The following AK5 variants were observed in gnomAD, a reference collection of about 807,000 sequenced individuals.
AK5 encodes adenylate kinase 5.
Under a neutral mutation model 69.5 loss-of-function variants are expected in AK5, and 27 were observed. The observed-to-expected ratio is 0.39, with a 90% CI of 0.29 to 0.54. AK5 has a LOEUF of 0.54. Ranked by LOEUF, AK5 falls within the 20% of genes least tolerant of loss-of-function variation. AK5 has a pLI of 0.71. For missense variants in AK5, 531 were observed against 700.4 expected, an observed-to-expected ratio of 0.76 and a Z score of 2.73; for synonymous variants, 260 against 244.4, an observed-to-expected ratio of 1.06 and a Z score of -0.60.
intron 6 of AK5, among the ~76,000 whole-genome samples, chr1:77,358,908 G>GA (rs1389163004): frequency 3.3e-5 from 5 of 149,348 alleles, no homozygotes; most frequent in East Asian, 2.0e-4. Context: ...TTTTACTGAG[G>GA]AAAAAAAATC....
chr1:77,312,635 A>C (rs2100297409), intron 5 of AK5, among the ~76,000 whole-genome samples: 1 of 151,138 alleles, frequency 6.6e-6, no homozygotes, highest in South Asian at 2.1e-4. Flanking sequence ...AAAAACAAAA[A>C]GTCCCTTAAG....
At chr1:77,354,698 C>CAGTA (rs1662399856) in intron 6 of AK5, among the ~76,000 whole-genome samples, 1 of 152,184 alleles carries the variant, frequency 6.6e-6, no homozygotes, top group Non-Finnish European at 1.5e-5. Context: ...TTCAAAAATT[C>CAGTA]ATGCTTTCCA....
intron 6 of AK5, among the ~76,000 whole-genome samples, chr1:77,397,545 T>G (rs1648913973): frequency 1.3e-5 from 2 of 152,208 alleles, no homozygotes; most frequent in Non-Finnish European, 2.9e-5. Flanking sequence ...AATTAAATTT[T>G]TTTAATAAAC....
chr1:77,297,662 T>C lies in AK5; in HGVS notation c.519T>C (p.Ser173=). Residue 173 remains serine (S), a synonymous_variant, in exon 4 of 14, where the codon AGT becomes AGC. Coordinates refer to ENST00000354567, the MANE Select transcript of AK5 (RefSeq NM_174858.3). ...VGELLRKKIH[S]TSSNRKWSLI... is the part of the protein sequence containing the mutation. ...AATTATTAAGAAAGAAGATCCACAG[T>C]ACCAGCAGCAATAGGAAATGGAGTC... 6.2e-7 allele frequency: 1 copy of C among 1,613,988 alleles called. No individual in the cohort carries two copies. The highest frequency in any genetic ancestry group is 8.5e-7 in the Non-Finnish European group (1 of 1,179,954).
At chr1:77,391,487 GTGTGTGTGTATATA>G (rs200681997) in intron 6 of AK5, among the ~76,000 whole-genome samples, 11,421 of 89,442 alleles carry the variant, frequency 0.13, 789 homozygotes, top group East Asian at 0.21. Flanking sequence ...GTGTGTATGT[GTGTGTGTGTATATA>G]TATATATATA....
At chr1:77,499,838 C>G (rs2100254325) in intron 10 of AK5, among the ~76,000 whole-genome samples, 1 of 138,470 alleles carries the variant, frequency 7.2e-6, no homozygotes, top group African/African-American at 2.7e-5. Flanking sequence ...TTTACTAAAT[C>G]TCCTAGATGA....
At chr1:77,482,816 C>T (rs545970326) in intron 8 of AK5, among the ~76,000 whole-genome samples, 1 of 150,814 alleles carries the variant, frequency 6.6e-6, no homozygotes, top group Admixed American at 6.6e-5. Flanking sequence ...ATGTTGCTCA[C>T]AATGATGAAA....
At chr1:77,377,060 C>T (rs1055170706) in intron 6 of AK5, among the ~76,000 whole-genome samples, 7 of 152,130 alleles carry the variant, frequency 4.6e-5, no homozygotes, top group African/African-American at 1.7e-4. Flanking sequence ...AATAATTTGC[C>T]CCAGCAGTAC....
At chr1:77,503,355 T>C (rs1570271770) in intron 10 of AK5, among the ~76,000 whole-genome samples, 1 of 66,014 alleles carries the variant, frequency 1.5e-5, no homozygotes, top group Admixed American at 1.9e-4. Context: ...ACCTAAATGT[T>C]TGAGCAAGTT....
chr1:77,370,084 T>C (rs1459938489), intron 6 of AK5, among the ~76,000 whole-genome samples: 1 of 152,220 alleles, frequency 6.6e-6, no homozygotes, highest in Non-Finnish European at 1.5e-5. Context: ...TGTTCTGTCC[T>C]TGCAGAATAA....
intron 6 of AK5, among the ~76,000 whole-genome samples, chr1:77,358,844 T>C (rs1273071805): frequency 1.3e-5 from 2 of 151,290 alleles, no homozygotes; most frequent in African/African-American, 4.9e-5. Flanking sequence ...AGAAAAAGCC[T>C]ATTTTTGTAA....
At chr1:77,484,132 T>C (rs1655439949) in intron 9 of AK5, among the ~76,000 whole-genome samples, 1 of 148,974 alleles carries the variant, frequency 6.7e-6, no homozygotes, top group Non-Finnish European at 1.5e-5. Context: ...GTCATTGCAC[T>C]CTTGGCGACA....
intron 6 of AK5, among the ~76,000 whole-genome samples, chr1:77,406,171 C>T (rs920048087): frequency 3.1e-5 from 4 of 129,696 alleles, no homozygotes; most frequent in Non-Finnish European, 4.9e-5. Flanking sequence ...ATTGAGATGG[C>T]ACTCACTGTA....
chr1:77,301,966 T>C (rs905003113), intron 5 of AK5, among the ~76,000 whole-genome samples: 20 of 138,432 alleles, frequency 1.4e-4, no homozygotes, highest in African/African-American at 5.0e-4. Flanking sequence ...TTTTTTTTTT[T>C]CCTAAGTGAC....
At chr1:77,304,306 A>T (rs1263013768) in intron 5 of AK5, among the ~76,000 whole-genome samples, 1 of 152,072 alleles carries the variant, frequency 6.6e-6, no homozygotes, top group East Asian at 1.9e-4. Flanking sequence ...ATTTTACTTA[A>T]CATAATCACC....
chr1:77,320,290 A>G (rs540932772), intron 5 of AK5, among the ~76,000 whole-genome samples: 1 of 152,162 alleles, frequency 6.6e-6, no homozygotes, highest in Non-Finnish European at 1.5e-5. Context: ...ACAATTCAAG[A>G]TGAGATTTGG....
At chr1:77,382,389 C>A (rs1005757888) in intron 6 of AK5, among the ~76,000 whole-genome samples, 4 of 152,152 alleles carry the variant, frequency 2.6e-5, no homozygotes, top group African/African-American at 9.7e-5. Context: ...CTCACTCTGT[C>A]ACCTAGGCTG....
chr1:77,479,884 C>T (rs1361137048), intron 8 of AK5, among the ~76,000 whole-genome samples: 1 of 152,152 alleles, frequency 6.6e-6, no homozygotes, highest in Non-Finnish European at 1.5e-5. Flanking sequence ...TGGGTTGAGT[C>T]TTCTCAAGTG....
chr1:77,525,974 C>A (rs1055937905), intron 12 of AK5, among the ~76,000 whole-genome samples: 2 of 151,694 alleles, frequency 1.3e-5, no homozygotes, highest in African/African-American at 4.8e-5. Context: ...TGTTTCTATT[C>A]CTGGAAAAAA....
Sources: allele counts gnomAD v4.1 joint callset (sites outside exome capture counted in the v4.1 genomes callset), GRCh38; gene constraint gnomAD v4.1.1; transcripts MANE v1.5; gene names NCBI Gene and HGNC (gene_info 2026-07-23, HGNC 2026-07-21).